The following EPB41L2 variants were observed in gnomAD, a reference collection of about 807,000 sequenced individuals.
The protein encoded by EPB41L2 is erythrocyte membrane protein band 4.1 like 2, also known as band 4.1-like protein 2.
A neutral mutation model predicts 113.0 loss-of-function variants in EPB41L2; 43 were observed. That is an observed-to-expected ratio of 0.38 (90% CI 0.30 to 0.49). EPB41L2 has a LOEUF of 0.49. Among genes scored for constraint, EPB41L2 ranks in the 20% least tolerant of loss-of-function variants. The probability of loss-of-function intolerance (pLI) is 0.95; values close to 1 mark genes in which losing one functional copy is unlikely to be tolerated. For synonymous variants in EPB41L2, 442 were observed against 436.7 expected, an observed-to-expected ratio of 1.01 and a Z score of -0.15; for missense variants, 1,147 against 1,223.4, an observed-to-expected ratio of 0.94 and a Z score of 0.93.
intron 2 of EPB41L2, 140 bp from the exon 3 acceptor site, chr6:130,955,457 T>A (rs990354003): frequency 3.4e-5 from 30 of 869,700 alleles, no homozygotes; most frequent in Admixed American, 1.7e-4. Flanking sequence ...ACTTGAAAAT[T>A]CCAATAGAAA....
chr6:130,864,681 C>A (rs1443798591), intron 17 of EPB41L2, among the ~76,000 whole-genome samples: 2 of 152,216 alleles, frequency 1.3e-5, no homozygotes, highest in African/African-American at 4.8e-5. Context: ...CCATAACAAA[C>A]CAGGCTTATC....
In EPB41L2 at chr6:130,993,689, G is replaced by A. The variant is rs185435266; in HGVS notation, c.-14-37190C>T. Among the ~76,000 whole-genome samples, 6 of 151,246 alleles carry A rather than the reference G, an allele frequency of 4.0e-5. No homozygotes were observed. In the East Asian group the frequency reaches 9.9e-4, roughly 25 times the overall value. On this transcript the variant is annotated intron_variant, in intron 1 of 19. Transcript: ENST00000337057. ...TATCTTGCTGACACCGGCTGCTGGC[G>A]CAAGTGACCTTGCTCCTTGGAACTG...
At chr6:130,921,635 T>C (rs1802911144) in intron 4 of EPB41L2, among the ~76,000 whole-genome samples, 1 of 152,178 alleles carries the variant, frequency 6.6e-6, no homozygotes, top group Non-Finnish European at 1.5e-5. Flanking sequence ...TGGCCGTAAT[T>C]CTCAATAGCT....
At chr6:130,897,101 T>C (rs1583202282) in intron 8 of EPB41L2, among the ~76,000 whole-genome samples, 1 of 152,096 alleles carries the variant, frequency 6.6e-6, no homozygotes, top group Non-Finnish European at 1.5e-5. Context: ...GCAGATACTA[T>C]CCTGGGGCTA....
At chr6:131,025,186 C>T (rs1790571920) in intron 1 of EPB41L2, among the ~76,000 whole-genome samples, 1 of 152,098 alleles carries the variant, frequency 6.6e-6, no homozygotes, top group Admixed American at 6.6e-5. Flanking sequence ...ACTGTAGGTG[C>T]CTTTCTAAGG....
chr6:130,982,601 C>T (rs540213636), intron 1 of EPB41L2, among the ~76,000 whole-genome samples: 12 of 152,260 alleles, frequency 7.9e-5, no homozygotes, highest in African/African-American at 1.9e-4. Context: ...TGTGTCAAAA[C>T]GTAAAGAACT....
At chr6:130,963,002 CTG>C (rs2128636466) in intron 1 of EPB41L2, among the ~76,000 whole-genome samples, 1 of 152,280 alleles carries the variant, frequency 6.6e-6, no homozygotes, top group East Asian at 1.9e-4. Context: ...ATACATAACT[CTG>C]TTAAATGCTG....
At chr6:131,053,454 A>G (rs973573763) in intron 1 of EPB41L2, among the ~76,000 whole-genome samples, 21 of 151,266 alleles carry the variant, frequency 1.4e-4, no homozygotes, top group African/African-American at 4.1e-4. Context: ...AAAAAAAAAA[A>G]AAAAAGAAAC....
chr6:130,877,729 T>C (rs1348618957), intron 14 of EPB41L2, among the ~76,000 whole-genome samples: 2 of 152,156 alleles, frequency 1.3e-5, no homozygotes, highest in African/African-American at 2.4e-5. Flanking sequence ...CTATATTTCT[T>C]TATTTATTAA....
At chr6:130,960,481 T>C (rs1773202938) in intron 1 of EPB41L2, among the ~76,000 whole-genome samples, 1 of 152,002 alleles carries the variant, frequency 6.6e-6, no homozygotes, top group African/African-American at 2.4e-5. Context: ...GACAAAACCA[T>C]ATGGTTAAGC....
At chr6:130,970,178 T>C (rs1016958418) in intron 1 of EPB41L2, 1 of 152,202 alleles carries the variant, frequency 6.6e-6, no homozygotes, top group Non-Finnish European at 1.5e-5. Context: ...AGTCACACTT[T>C]CAATAGCAAA....
chr6:130,997,435 T>C (rs1353476754), intron 1 of EPB41L2, among the ~76,000 whole-genome samples: 1 of 151,990 alleles, frequency 6.6e-6, no homozygotes, highest in Non-Finnish European at 1.5e-5. Context: ...TGAGGTCACA[T>C]CTAAGTGCAG....
rs759613944 is a variant in EPB41L2, at chr6:130,900,952, G to C, written c.1148+10C>G. ...CATGGCCATTCTCTCCAGTAAGCAA[G>C]GCAACAGACCTGTGGGTTTTGTGCA... On this transcript the variant is annotated intron_variant, in intron 7 of 19. Transcript: ENST00000337057. 3 of 1,613,806 alleles carry C rather than the reference G, an allele frequency of 1.9e-6. No individual in the cohort carries two copies. Among genetic ancestry groups the C allele is most frequent in the South Asian group, 2.2e-5 (2 of 91,066 alleles).
intron 14 of EPB41L2, among the ~76,000 whole-genome samples, chr6:130,873,713 T>C (rs1464737337): frequency 1.3e-5 from 2 of 152,104 alleles, no homozygotes; most frequent in African/African-American, 4.8e-5. Flanking sequence ...TGATCTATCC[T>C]CCTCGGCCTC....
intron 4 of EPB41L2, among the ~76,000 whole-genome samples, chr6:130,925,656 C>T (rs1295252556): frequency 6.6e-6 from 1 of 152,142 alleles, no homozygotes; most frequent in African/African-American, 2.4e-5. Context: ...GCCAAATTCC[C>T]ACCACTTTCT....
chr6:130,845,901 T>C (rs1188273472), intron 19 of EPB41L2, among the ~76,000 whole-genome samples: 2 of 152,232 alleles, frequency 1.3e-5, no homozygotes, highest in Non-Finnish European at 2.9e-5. Flanking sequence ...TCTATGGGAA[T>C]GTCTGAACTG....
intron 1 of EPB41L2, among the ~76,000 whole-genome samples, chr6:130,980,522 G>A (rs1028768557): frequency 6.6e-5 from 10 of 151,980 alleles, no homozygotes; most frequent in Admixed American, 2.0e-4. Flanking sequence ...AATAGACATC[G>A]GCTGGGAGAG....
intron 1 of EPB41L2, among the ~76,000 whole-genome samples, chr6:131,036,719 G>C (rs1793391855): frequency 6.6e-6 from 1 of 152,078 alleles, no homozygotes; most frequent in Admixed American, 6.5e-5. Context: ...TTGAGGCCCA[G>C]GTTTTTTTTA....
chr6:130,951,253 C>CA (rs1170457891), intron 3 of EPB41L2, among the ~76,000 whole-genome samples: 52 of 10,500 alleles, frequency 5.0e-3, no homozygotes, highest in African/African-American at 0.013. Flanking sequence ...CAACTGTCTC[C>CA]AAAAAAAAAG....
Sources: allele counts gnomAD v4.1 joint callset (sites outside exome capture counted in the v4.1 genomes callset), GRCh38; gene constraint gnomAD v4.1.1; transcripts MANE v1.5; gene names NCBI Gene and HGNC (gene_info 2026-07-23, HGNC 2026-07-21).